The following GLT1D1 variants were observed in gnomAD, a reference collection of about 807,000 sequenced individuals.
GLT1D1 encodes glycosyltransferase 1 domain containing 1, also known as glycosyltransferase 1 domain-containing protein 1.
In GLT1D1, 21 loss-of-function variants were observed where a neutral mutation model predicts 28.7. The observed-to-expected ratio is 0.73, with a 90% CI of 0.52 to 1.05. The LOEUF is 1.05. Ranked by LOEUF, GLT1D1 falls within the 50% of genes least tolerant of loss-of-function variation. The probability of loss-of-function intolerance (pLI) is 0.00; values close to 1 mark genes in which losing one functional copy is unlikely to be tolerated. For missense variants in GLT1D1, 343 were observed against 330.6 expected (o/e 1.04, Z -0.29); for synonymous variants, 147 against 124.8 (o/e 1.18, Z -1.19).
intron 1 of GLT1D1, among the ~76,000 whole-genome samples, chr12:128,853,878 C>G (rs1184611412): frequency 2.0e-5 from 3 of 152,160 alleles, no homozygotes; most frequent in Non-Finnish European, 2.9e-5. Context: ...GCGCATTGGC[C>G]TCGCGCTCTC....
chr12:128,962,970 G>A (rs1453936133), intron 7 of GLT1D1, among the ~76,000 whole-genome samples: 1 of 152,154 alleles, frequency 6.6e-6, no homozygotes, highest in Admixed American at 6.5e-5. Flanking sequence ...AAAGTGCTGG[G>A]ATTACAGGCA....
At position 128,939,852 on chromosome 12, in the gene GLT1D1, C is replaced by CGCT. The variant is rs1427004377; in HGVS notation, c.376-5473_376-5472insCTG. 1.6e-4 allele frequency among the ~76,000 whole-genome samples: 23 copies of CGCT among 140,072 alleles called. 1 individual carries two copies. Among genetic ancestry groups the CGCT allele is most frequent in the Non-Finnish European group, 3.6e-4 (23 of 63,724 alleles). The allele number at this position is 140,072 out of a possible 152,430, so 91.9% of individuals were successfully genotyped here. A position where few individuals can be genotyped will look rare whatever the true frequency, so the allele number is the denominator to read the frequency against. On this transcript the variant is annotated intron_variant, in intron 4 of 7. Transcript: ENST00000281703. ...ATTGTTAGAAACCCCCCCCCACCGC[C>CGCT]GATCCAATCACCTCCTACCAGGCCC...
intron 7 of GLT1D1, among the ~76,000 whole-genome samples, chr12:128,959,439 C>A (rs1423610494): frequency 4.0e-5 from 1 of 25,060 alleles, no homozygotes; most frequent in Non-Finnish European, 8.2e-5. Context: ...GAGGTGGCAG[C>A]GGGGTGGGGA....
chr12:128,935,396 C>G (rs1329263326), intron 4 of GLT1D1, among the ~76,000 whole-genome samples: 1 of 152,060 alleles, frequency 6.6e-6, no homozygotes, highest in Non-Finnish European at 1.5e-5. Context: ...ACAAAATTCA[C>G]TGGGTGTGGT....
At chr12:128,856,598 A>G (rs2135750526) in intron 1 of GLT1D1, among the ~76,000 whole-genome samples, 1 of 152,282 alleles carries the variant, frequency 6.6e-6, no homozygotes, top group East Asian at 1.9e-4. Context: ...AATGGTGAGA[A>G]CACAGGTCCT....
chr12:128,907,317 T>C (rs12311618), intron 4 of GLT1D1, among the ~76,000 whole-genome samples: 2,098 of 151,068 alleles, frequency 0.014, 40 homozygotes, highest in African/African-American at 0.039. Context: ...TTTTTTTTTT[T>C]TTTTTTGAGA....
chr12:128,853,709 G>T, intron 1 of GLT1D1, 60 bp downstream of exon 1: 2 of 990,722 alleles, frequency 2.0e-6, no homozygotes, highest in East Asian at 7.5e-5. Flanking sequence ...GCGGGGACGC[G>T]GGACCCGGGG....
At chr12:128,879,757 G>A (rs1222115726) in intron 2 of GLT1D1, among the ~76,000 whole-genome samples, 3 of 152,096 alleles carry the variant, frequency 2.0e-5, no homozygotes, top group East Asian at 1.9e-4. Context: ...AAGTGCAGCC[G>A]GCCCCTGTTA....
intron 4 of GLT1D1, among the ~76,000 whole-genome samples, chr12:128,911,659 A>T (rs1438038162): frequency 6.6e-6 from 1 of 152,094 alleles, no homozygotes; most frequent in Admixed American, 6.6e-5. Flanking sequence ...TCCTGCCTCC[A>T]CCTTTCCATC....
chr12:128,969,454 A>C (rs545685753), intron 7 of GLT1D1, among the ~76,000 whole-genome samples: 1 of 152,292 alleles, frequency 6.6e-6, no homozygotes, highest in South Asian at 2.1e-4. Context: ...AGGTGGGAAG[A>C]GAAGCCCCTG....
At chr12:128,871,707 C>A (rs566726677) in intron 1 of GLT1D1, among the ~76,000 whole-genome samples, 75 of 152,216 alleles carry the variant, frequency 4.9e-4, no homozygotes, top group Admixed American at 3.3e-3. Flanking sequence ...TAGACCTCCC[C>A]CTACTTCCTC....
chr12:128,896,950 C>T (rs181261233), intron 3 of GLT1D1, among the ~76,000 whole-genome samples: 25 of 152,262 alleles, frequency 1.6e-4, no homozygotes, highest in African/African-American at 3.1e-4. Flanking sequence ...CAAGGTCTAA[C>T]GCTACGAACA....
chr12:128,932,910 AT>A (rs1385332326), intron 4 of GLT1D1, among the ~76,000 whole-genome samples: 1 of 152,180 alleles, frequency 6.6e-6, no homozygotes, highest in African/African-American at 2.4e-5. Flanking sequence ...AGTGGATGAA[AT>A]AATTTGAGTT....
At chr12:128,869,259 A>G (rs1319667226) in intron 1 of GLT1D1, among the ~76,000 whole-genome samples, 1 of 152,056 alleles carries the variant, frequency 6.6e-6, no homozygotes, top group Non-Finnish European at 1.5e-5. Context: ...CTTGTCTTCC[A>G]GGGCTAAAGC....
chr12:128,874,124 C>CTCCCTTTCTTTCTTTCTTTCTT (rs1956806947), intron 1 of GLT1D1, among the ~76,000 whole-genome samples: 1 of 39,232 alleles, frequency 2.5e-5, no homozygotes, highest in African/African-American at 1.1e-4. Context: ...CTCTCTCTCT[C>CTCCCTTTCTTTCTTTCTTTCTT]TCTTTCTTTC....
At chr12:128,949,016 G>A (rs1019107167) in intron 6 of GLT1D1, among the ~76,000 whole-genome samples, 5 of 152,160 alleles carry the variant, frequency 3.3e-5, no homozygotes, top group Admixed American at 3.3e-4. Context: ...CTGCTTAGGG[G>A]TTGTCACTAG....
At chr12:128,870,311 A>C (rs1176727434) in intron 1 of GLT1D1, among the ~76,000 whole-genome samples, 1 of 152,190 alleles carries the variant, frequency 6.6e-6, no homozygotes, top group Non-Finnish European at 1.5e-5. Context: ...AGAAATGACC[A>C]AACTCTACTG....
At chr12:128,980,792 A>C (rs761786897) in intron 7 of GLT1D1, among the ~76,000 whole-genome samples, 4 of 152,230 alleles carry the variant, frequency 2.6e-5, no homozygotes, top group Non-Finnish European at 2.9e-5. Flanking sequence ...TGTCAGTCAA[A>C]GCAAATTACC....
intron 7 of GLT1D1, among the ~76,000 whole-genome samples, chr12:128,982,534 A>C (rs1191527391): frequency 1.3e-5 from 2 of 152,152 alleles, no homozygotes; most frequent in African/African-American, 4.8e-5. Flanking sequence ...GGTAACACCT[A>C]ATTTCACATC....
Sources: allele counts gnomAD v4.1 joint callset (sites outside exome capture counted in the v4.1 genomes callset), GRCh38; gene constraint gnomAD v4.1.1; transcripts MANE v1.5; gene names NCBI Gene and HGNC (gene_info 2026-07-23, HGNC 2026-07-21).